The following WSCD2 variants were observed in gnomAD, a reference collection of about 807,000 sequenced individuals.
WSCD2 encodes sialate:O-sulfotransferase 2.
In WSCD2, 28 loss-of-function variants were observed where a neutral mutation model predicts 55.7. That is an observed-to-expected ratio of 0.50 (90% CI 0.37 to 0.69). WSCD2 has a LOEUF of 0.69. Among genes scored for constraint, WSCD2 ranks in the 30% least tolerant of loss-of-function variants. WSCD2 has a pLI of 0.00. For synonymous variants in WSCD2, 301 were observed against 301.9 expected (o/e 1.00, Z 0.03); for missense variants, 616 against 762.1 (o/e 0.81, Z 2.26).
intron 1 of WSCD2, among the ~76,000 whole-genome samples, chr12:108,130,981 C>T (rs1053314631): frequency 2.6e-5 from 4 of 152,158 alleles, no homozygotes; most frequent in Non-Finnish European, 5.9e-5. Flanking sequence ...GGTCACAGCC[C>T]CATAGATGGC....
chr12:108,153,071 C>G (rs1171018104), intron 1 of WSCD2, among the ~76,000 whole-genome samples: 1 of 151,718 alleles, frequency 6.6e-6, no homozygotes, highest in African/African-American at 2.4e-5. Context: ...CCACTGCACT[C>G]CAGCCTGGGT....
chr12:108,135,871 G>A (rs1876150370), intron 1 of WSCD2, among the ~76,000 whole-genome samples: 1 of 148,698 alleles, frequency 6.7e-6, no homozygotes, highest in Non-Finnish European at 1.5e-5. Flanking sequence ...ATTGGCTATT[G>A]TCTATGGCTG....
chr12:108,237,692 A>G (rs1289655273), intron 7 of WSCD2, among the ~76,000 whole-genome samples: 2 of 152,206 alleles, frequency 1.3e-5, no homozygotes, highest in Non-Finnish European at 2.9e-5. Flanking sequence ...TGCTAAATGG[A>G]ATTTTCTCTA....
Position 108,196,323 on chromosome 12 carries a change from T to C in WSCD2, c.382+109T>C, listed in dbSNP as rs558778444. The stretch of plus-strand genomic sequence containing the variant: ...AGTGTTTAATAGGAACCAGCTGTCA[T>C]ATCATTGTAGCTATAAATAGTGCCT... On this transcript the variant is annotated intron_variant, in intron 2 of 8. Coordinates refer to ENST00000547525, the MANE Select transcript of WSCD2 (RefSeq NM_014653.4). The C allele has an allele frequency of 9.5e-5, 134 of 1,408,684 alleles. 4 individuals are homozygous for C. The South Asian group carries it at 1.9e-3, about 20-fold the overall frequency. 87.3% of individuals were successfully genotyped at this position (1,408,684 alleles called of 1,614,324 possible).
chr12:108,180,667 A>G (rs1881602729), intron 1 of WSCD2, among the ~76,000 whole-genome samples: 1 of 152,270 alleles, frequency 6.6e-6, no homozygotes, highest in Admixed American at 6.5e-5. Context: ...AGTCATTAGA[A>G]TGAGGTTAAA....
chr12:108,179,250 C>T (rs1881333222), intron 1 of WSCD2, among the ~76,000 whole-genome samples: 1 of 144,992 alleles, frequency 6.9e-6, no homozygotes. Flanking sequence ...GTGTCAGGAA[C>T]TTTCAGCGGG....
At chr12:108,190,208 C>A (rs1318712561) in intron 1 of WSCD2, among the ~76,000 whole-genome samples, 1 of 152,138 alleles carries the variant, frequency 6.6e-6, no homozygotes, top group African/African-American at 2.4e-5. Flanking sequence ...TCAACAAACA[C>A]CAGTGACTTC....
intron 1 of WSCD2, among the ~76,000 whole-genome samples, chr12:108,134,089 T>C (rs933993357): frequency 1.3e-5 from 2 of 152,164 alleles, no homozygotes; most frequent in African/African-American, 2.4e-5. Context: ...CTTAGGGGCC[T>C]TCTAGACTTT....
At chr12:108,182,030 TC>T (rs559742855) in intron 1 of WSCD2, among the ~76,000 whole-genome samples, 240 of 152,360 alleles carry the variant, frequency 1.6e-3, no homozygotes, top group African/African-American at 5.7e-3. Context: ...AAGCCAAGAT[TC>T]CAGCTCAAGT....
chr12:108,151,359 T>C (rs1877983023), intron 1 of WSCD2, among the ~76,000 whole-genome samples: 1 of 152,098 alleles, frequency 6.6e-6, no homozygotes, highest in African/African-American at 2.4e-5. Flanking sequence ...GTCCCCTTGA[T>C]GCAGGTGGAG....
intron 5 of WSCD2, among the ~76,000 whole-genome samples, chr12:108,225,401 T>C (rs902988255): frequency 1.7e-4 from 26 of 152,306 alleles, no homozygotes; most frequent in African/African-American, 5.8e-4. Context: ...CACCAGGTCC[T>C]TCCCATGACA....
intron 1 of WSCD2, among the ~76,000 whole-genome samples, chr12:108,176,525 C>T (rs1040778788): frequency 3.3e-5 from 5 of 152,186 alleles, no homozygotes; most frequent in Admixed American, 6.5e-5. Flanking sequence ...AGTAGTACTC[C>T]GTTGTATGGA....
chr12:108,167,509 C>T (rs1011924078), intron 1 of WSCD2: 1 of 152,204 alleles, frequency 6.6e-6, no homozygotes, highest in African/African-American at 2.4e-5. Context: ...AAACACAACT[C>T]AAGTGGACTT....
At chr12:108,228,315 T>A (rs4964664) in intron 6 of WSCD2, among the ~76,000 whole-genome samples, 105,149 of 152,034 alleles carry the variant, frequency 0.69, 36,749 homozygotes, top group East Asian at 0.87. Context: ...TTCAGTGATG[T>A]GAAGTCCACA....
intron 1 of WSCD2, among the ~76,000 whole-genome samples, chr12:108,187,971 A>C (rs1431777662): frequency 6.6e-6 from 1 of 152,230 alleles, no homozygotes; most frequent in Non-Finnish European, 1.5e-5. Context: ...CCCATGGAGC[A>C]AGAGGCACTA....
intron 1 of WSCD2, among the ~76,000 whole-genome samples, chr12:108,155,962 G>A (rs1878464050): frequency 1.3e-5 from 2 of 152,048 alleles, no homozygotes; most frequent in South Asian, 4.1e-4. Flanking sequence ...AATATACATC[G>A]ACACCACCCA....
chr12:108,200,496 C>CATTA (rs1988514271), intron 2 of WSCD2, among the ~76,000 whole-genome samples: 1 of 152,138 alleles, frequency 6.6e-6, no homozygotes, highest in Non-Finnish European at 1.5e-5. Flanking sequence ...TTCTTTCATT[C>CATTA]ATTCATTCAT....
At chr12:108,212,463 C>T (rs1886316774) in intron 4 of WSCD2, among the ~76,000 whole-genome samples, 1 of 152,040 alleles carries the variant, frequency 6.6e-6, no homozygotes, top group African/African-American at 2.4e-5. Flanking sequence ...GGCTGAATAA[C>T]CTGGACACAC....
chr12:108,194,976 A>G (rs996034863), intron 1 of WSCD2, among the ~76,000 whole-genome samples: 5 of 152,192 alleles, frequency 3.3e-5, no homozygotes, highest in African/African-American at 1.2e-4. Flanking sequence ...AATATATAGG[A>G]AGTATGGAGC....
Sources: gnomAD v4.1 joint callset for allele counts (sites outside exome capture counted in the v4.1 genomes callset) on GRCh38, gnomAD v4.1.1 for gene constraint, MANE v1.5 for transcripts, NCBI Gene and HGNC (gene_info 2026-07-23, HGNC 2026-07-21) for gene names.